The following ITGA9 variants were observed in gnomAD, a reference collection of about 807,000 sequenced individuals.
ITGA9 encodes the protein integrin subunit alpha 9.
A neutral mutation model predicts 127.8 loss-of-function variants in ITGA9; 56 were observed. The observed-to-expected ratio is 0.44, with a 90% CI of 0.35 to 0.55. The LOEUF is 0.55. Among genes scored for constraint, ITGA9 ranks in the 20% least tolerant of loss-of-function variants. The pLI, the probability that ITGA9 is intolerant of heterozygous loss-of-function variation, is 0.00. For missense variants in ITGA9, 1,196 were observed against 1,347.1 expected, an observed-to-expected ratio of 0.89 and a Z score of 1.76; for synonymous variants, 508 against 514.5, an observed-to-expected ratio of 0.99 and a Z score of 0.17.
chr3:37,598,623 C>T (rs995094503), intron 15 of ITGA9, among the ~76,000 whole-genome samples: 2 of 152,096 alleles, frequency 1.3e-5, no homozygotes, highest in Admixed American at 1.3e-4. Context: ...GGTATTAGCC[C>T]TGAGATACAC....
rs553746491 is a variant in ITGA9, at chr3:37,525,502, A to G, written c.1328-524A>G. Among the ~76,000 whole-genome samples, 12 of 152,278 alleles carry G rather than the reference A, an allele frequency of 7.9e-5. No homozygotes were observed. The East Asian group carries it at 1.2e-3, about 15-fold the overall frequency. ...GTGAGGGGTGGAGGGTGACAATTCC[A>G]TGTTCTTCAGAACCTAGAGCATTTT... On this transcript the variant is annotated intron_variant, in intron 12 of 27. Coordinates refer to ENST00000264741, the MANE Select transcript of ITGA9 (RefSeq NM_002207.3).
chr3:37,724,529 C>G (rs149162707), intron 18 of ITGA9, among the ~76,000 whole-genome samples: 317 of 152,220 alleles, frequency 2.1e-3, no homozygotes, highest in African/African-American at 6.9e-3. Context: ...GAGTTTCGCT[C>G]TTGTTGCCCA....
At chr3:37,502,144 C>T (rs1310574553) in intron 5 of ITGA9, among the ~76,000 whole-genome samples, 4 of 151,564 alleles carry the variant, frequency 2.6e-5, no homozygotes, top group Non-Finnish European at 5.9e-5. Context: ...CAAACATGCT[C>T]TCAGCCCTGT....
chr3:37,755,014 G>A (rs1575222989), intron 23 of ITGA9, among the ~76,000 whole-genome samples: 6 of 152,088 alleles, frequency 3.9e-5, no homozygotes, highest in African/African-American at 9.7e-5. Flanking sequence ...CAAATCAGTC[G>A]ATATAATCCA....
In ITGA9 at chr3:37,463,886, A is replaced by G. The variant is rs573510818; in HGVS notation, c.186-7121A>G. On this transcript the variant is annotated intron_variant, in intron 1 of 27. Coordinates refer to ENST00000264741, the MANE Select transcript of ITGA9 (RefSeq NM_002207.3). Reference sequence around the variant, plus strand: ...AGCAAACACAGAGAGAGGCTCTCTAAAAGAAAATGTTTACTCAGGAATAGG... The same window carrying G: ...AGCAAACACAGAGAGAGGCTCTCTAGAAGAAAATGTTTACTCAGGAATAGG... 2.6e-5 allele frequency among the ~76,000 whole-genome samples: 4 copies of G among 152,340 alleles called. No individual in the cohort carries two copies. The South Asian group carries it at 8.3e-4, about 32-fold the overall frequency.
chr3:37,591,735 A>G (rs1045229564), intron 15 of ITGA9, among the ~76,000 whole-genome samples: 1 of 152,162 alleles, frequency 6.6e-6, no homozygotes. Context: ...TGTCTCTGGC[A>G]CTTTCCTTCT....
At chr3:37,792,885 C>T (rs536252794) in intron 26 of ITGA9, among the ~76,000 whole-genome samples, 46 of 152,206 alleles carry the variant, frequency 3.0e-4, no homozygotes, top group Admixed American at 2.2e-3. Flanking sequence ...GCCACTCACA[C>T]GTAAGGAATG....
At chr3:37,720,401 T>G (rs1278746087) in intron 18 of ITGA9, among the ~76,000 whole-genome samples, 2 of 152,144 alleles carry the variant, frequency 1.3e-5, no homozygotes, top group East Asian at 3.8e-4. Flanking sequence ...GGTCCCCACT[T>G]GTTGAGTTTT....
At chr3:37,559,644 A>G (rs1407386855) in intron 15 of ITGA9, among the ~76,000 whole-genome samples, 2 of 152,216 alleles carry the variant, frequency 1.3e-5, no homozygotes, top group Admixed American at 6.5e-5. Flanking sequence ...GTGCCTGTCC[A>G]GCTTACTTAA....
intron 23 of ITGA9, 47 bp downstream of exon 23, chr3:37,750,616 C>G: frequency 1.5e-6 from 2 of 1,371,882 alleles, no homozygotes; most frequent in South Asian, 2.3e-5. Context: ...TTTGAGCCAG[C>G]CCATTCAAAT....
intron 9 of ITGA9, 96 bp downstream of exon 9, chr3:37,513,996 G>T (rs759556176): frequency 4.2e-6 from 6 of 1,424,070 alleles, no homozygotes; most frequent in Non-Finnish European, 5.9e-6. Flanking sequence ...GGCACTGGGG[G>T]CAATGTTACC....
At chr3:37,578,436 C>T (rs1699673831) in intron 15 of ITGA9, among the ~76,000 whole-genome samples, 1 of 152,158 alleles carries the variant, frequency 6.6e-6, no homozygotes, top group East Asian at 1.9e-4. Context: ...GGCCAGTCAG[C>T]TTTTGGATGA....
At position 37,654,190 on chromosome 3, in the gene ITGA9, C is replaced by CACA. The variant is rs1700455091; in HGVS notation, c.1916+400_1916+401insACA. On this transcript the variant is annotated intron_variant, in intron 17 of 27. Coordinates refer to ENST00000264741, the MANE Select transcript of ITGA9 (RefSeq NM_002207.3). ...AATAAAGGTTTATGCCCTCCTGCCT[C>CACA]CACACACACACACACACACACACAC... Among the ~76,000 whole-genome samples the CACA allele has an allele frequency of 1.1e-3, 159 of 146,402 alleles. 1 individual carries two copies. The highest frequency in any genetic ancestry group is 3.9e-3 in the African/African-American group (152 of 39,368).
At chr3:37,662,605 T>C (rs1700548893) in intron 17 of ITGA9, among the ~76,000 whole-genome samples, 1 of 152,160 alleles carries the variant, frequency 6.6e-6, no homozygotes, top group African/African-American at 2.4e-5. Context: ...GCCCTTCATC[T>C]CAGTGCAGGA....
rs1698460732 is a variant in ITGA9, at chr3:37,473,609, TTTTC to T, written c.420+153_420+156del. 4 of 585,716 alleles carry T rather than the reference TTTTC, an allele frequency of 6.8e-6. No individual in the cohort carries two copies. In the Admixed American group the frequency reaches 9.2e-5, roughly 13 times the overall value. 36.3% of individuals were successfully genotyped at this position (585,716 alleles called of 1,614,324 possible). A position where few individuals can be genotyped will look rare whatever the true frequency, so the allele number is the denominator to read the frequency against. ...CTTAGACAAATGACTTATCTTCTTA[TTTTC>T]TTTATCTGTCAAATGTGAATAATGT... is the stretch of plus-strand genomic sequence containing the variant. On this transcript the variant is annotated intron_variant, in intron 3 of 27. Transcript: ENST00000264741.
intron 17 of ITGA9, among the ~76,000 whole-genome samples, chr3:37,681,478 C>A (rs916318169): frequency 6.6e-6 from 1 of 152,162 alleles, no homozygotes; most frequent in African/African-American, 2.4e-5. Flanking sequence ...AGTGCCCACA[C>A]CCTAGTGATC....
intron 17 of ITGA9, among the ~76,000 whole-genome samples, chr3:37,675,249 C>T (rs1015123587): frequency 8.5e-5 from 13 of 152,322 alleles, no homozygotes; most frequent in African/African-American, 2.4e-4. Flanking sequence ...AATATTCCCT[C>T]ATCCCACAAA....
chr3:37,526,258 A>G (rs992652450), intron 13 of ITGA9, among the ~76,000 whole-genome samples, 187 bp downstream of exon 13: 1 of 152,092 alleles, frequency 6.6e-6, no homozygotes, highest in African/African-American at 2.4e-5. Context: ...GTGGCCTTGA[A>G]TGGCTTGCAG....
At chr3:37,715,891 C>G (rs983798110) in intron 18 of ITGA9, among the ~76,000 whole-genome samples, 22 of 152,146 alleles carry the variant, frequency 1.4e-4, no homozygotes, top group East Asian at 7.7e-4. Context: ...GCTGAGTTCC[C>G]TAAAACAAAA....
Sources: allele counts gnomAD v4.1 joint callset (sites outside exome capture counted in the v4.1 genomes callset), GRCh38; gene constraint gnomAD v4.1.1; transcripts MANE v1.5; gene names NCBI Gene and HGNC (gene_info 2026-07-23, HGNC 2026-07-21).